The following LAMC1 variants were observed in gnomAD, a reference collection of about 807,000 sequenced individuals.
LAMC1 encodes laminin subunit gamma 1, also known as laminin subunit gamma-1.
In LAMC1, 38 loss-of-function variants were observed where a neutral mutation model predicts 173.6. The observed-to-expected ratio is 0.22, with a 90% confidence interval of 0.17 to 0.29. The LOEUF (loss-of-function observed/expected upper bound fraction) is 0.29. LAMC1 is among the 10% of genes least tolerant of loss of function. LAMC1 has a pLI of 1.00. For synonymous variants in LAMC1, 746 were observed against 749.1 expected (o/e 1.00, Z 0.07); for missense variants, 1,824 against 2,051.8 (o/e 0.89, Z 2.14).
chr1:183,048,099 C>CT (rs749274660), intron 1 of LAMC1, among the ~76,000 whole-genome samples: 1 of 152,102 alleles, frequency 6.6e-6, no homozygotes, highest in African/African-American at 2.4e-5. Flanking sequence ...TTCTTAGCCT[C>CT]TTTTTTTCTA....
chr1:183,057,058 G>A (rs1186543957), intron 1 of LAMC1, among the ~76,000 whole-genome samples: 2 of 152,168 alleles, frequency 1.3e-5, no homozygotes, highest in Middle Eastern at 3.2e-3. Flanking sequence ...CGCTTTCAGG[G>A]CCTACTTGGG....
At chr1:183,111,066 G>T (rs748429399) in intron 4 of LAMC1, among the ~76,000 whole-genome samples, 2 of 151,650 alleles carry the variant, frequency 1.3e-5, no homozygotes, top group African/African-American at 2.4e-5. Context: ...AGGCTAAGAG[G>T]GCCATTCCAA....
chr1:183,032,896 T>G (rs1653882357), intron 1 of LAMC1, among the ~76,000 whole-genome samples: 1 of 152,154 alleles, frequency 6.6e-6, no homozygotes, highest in Non-Finnish European at 1.5e-5. Context: ...CCCATCTTCT[T>G]TAGAGTTCTG....
At chr1:183,132,096 T>G (rs1205156338) in intron 20 of LAMC1, among the ~76,000 whole-genome samples, 2 of 152,298 alleles carry the variant, frequency 1.3e-5, no homozygotes. Flanking sequence ...GTCAGGAGTT[T>G]GAGACCAGCC....
At position 183,127,531 on chromosome 1, in the gene LAMC1, T is replaced by C. The variant is rs559383665; in HGVS notation, c.3123+127T>C. ...TGGTCCCTGTTCTTAAAGACTTATG[T>C]TCCAGTTGGGAGGCAAATAATAAAA... On this transcript the variant is annotated intron_variant, in intron 17 of 27. Coordinates refer to ENST00000258341, the MANE Select transcript of LAMC1 (RefSeq NM_002293.4). 2.2e-4 allele frequency: 171 copies of C among 767,450 alleles called. No individual in the cohort carries two copies. In the African/African-American group the frequency reaches 2.4e-3, roughly 11 times the overall value. The allele number at this position is 767,450 out of a possible 1,614,324, so 47.5% of individuals were successfully genotyped here.
intron 19 of LAMC1, 70 bp downstream of exon 19, chr1:183,130,619 G>T (rs1437395200): frequency 1.7e-5 from 20 of 1,186,244 alleles, no homozygotes; most frequent in East Asian, 2.4e-5. Context: ...TCTGTTACTG[G>T]CAGTGGAGTG....
intron 1 of LAMC1, among the ~76,000 whole-genome samples, chr1:183,049,300 C>A (rs1654347008): frequency 6.6e-6 from 1 of 152,058 alleles, no homozygotes; most frequent in Non-Finnish European, 1.5e-5. Flanking sequence ...ATTGTAATTA[C>A]AGTATTAGAA....
intron 1 of LAMC1, among the ~76,000 whole-genome samples, chr1:183,073,931 T>G (rs964696105): frequency 1.3e-5 from 2 of 152,144 alleles, no homozygotes; most frequent in African/African-American, 4.8e-5. Flanking sequence ...ATAGATTACA[T>G]AGATTAGAAA....
chr1:183,091,284 T>G (rs955079189), intron 1 of LAMC1, among the ~76,000 whole-genome samples: 1 of 152,188 alleles, frequency 6.6e-6, no homozygotes, highest in Non-Finnish European at 1.5e-5. Context: ...GAGAGGCCAC[T>G]AAGTTAATAT....
chr1:183,032,480 G>T (rs1339559419), intron 1 of LAMC1, among the ~76,000 whole-genome samples: 2 of 151,826 alleles, frequency 1.3e-5, no homozygotes, highest in Non-Finnish European at 2.9e-5. Context: ...GAAAGTTGGA[G>T]GAGATAGTAA....
intron 1 of LAMC1, among the ~76,000 whole-genome samples, chr1:183,058,418 G>A (rs1310383649): frequency 6.6e-6 from 1 of 152,186 alleles, no homozygotes; most frequent in Non-Finnish European, 1.5e-5. Flanking sequence ...GTATATTTAA[G>A]TCTGGTTTTG....
intron 1 of LAMC1, among the ~76,000 whole-genome samples, chr1:183,077,776 G>GTA (rs68083893): frequency 0.017 from 1,967 of 116,446 alleles, 65 homozygotes; most frequent in East Asian, 0.034. Flanking sequence ...TGGCCATTGT[G>GTA]TATATATATA....
At chr1:183,062,913 A>G (rs1313239517) in intron 1 of LAMC1, among the ~76,000 whole-genome samples, 1 of 152,196 alleles carries the variant, frequency 6.6e-6, no homozygotes, top group Non-Finnish European at 1.5e-5. Flanking sequence ...GCATCACACC[A>G]CTGCACTCCA....
chr1:183,047,991 A>G (rs554039823), intron 1 of LAMC1, among the ~76,000 whole-genome samples: 4 of 152,142 alleles, frequency 2.6e-5, no homozygotes, highest in Admixed American at 2.0e-4. Flanking sequence ...ATCTCTGCCA[A>G]CGCTGCCTCT....
At chr1:183,054,836 C>T (rs1654541750) in intron 1 of LAMC1, among the ~76,000 whole-genome samples, 1 of 152,118 alleles carries the variant, frequency 6.6e-6, no homozygotes, top group Non-Finnish European at 1.5e-5. Context: ...GCCTTAGGGG[C>T]TTTTCCCACT....
chr1:183,072,176 T>C (rs1374744759), intron 1 of LAMC1, among the ~76,000 whole-genome samples: 2 of 152,204 alleles, frequency 1.3e-5, no homozygotes, highest in Non-Finnish European at 2.9e-5. Context: ...CTTTCTGAAT[T>C]CTTTTAAGTC....
rs186293409 is a variant in LAMC1, at chr1:183,121,143, G to C, written c.1991-580G>C. Among the ~76,000 whole-genome samples, 106 of 152,270 alleles carry C rather than the reference G, an allele frequency of 7.0e-4. 1 individual carries two copies. The highest frequency in any genetic ancestry group is 2.6e-3 in the Admixed American group (40 of 15,296). ...TTTAAAAAAAATTAGTTTGGGCCGG[G>C]CATGGTGGCTCAAGCCTGTAATCCC... is the stretch of plus-strand genomic sequence containing the variant. On this transcript the variant is annotated intron_variant, in intron 11 of 27. Transcript: ENST00000258341.
At chr1:183,077,772 T>TTGTGTGTGTGTGTGTGTGTG (rs796592939) in intron 1 of LAMC1, among the ~76,000 whole-genome samples, 59 of 78,414 alleles carry the variant, frequency 7.5e-4, no homozygotes, top group African/African-American at 2.0e-3. Flanking sequence ...TTTATGGCCA[T>TTGTGTGTGTGTGTGTGTGTG]TGTGTATATA....
chr1:183,132,600 A>G lies in LAMC1; in HGVS notation c.3704+63A>G, dbSNP rs1478143706. ...TGTTCTGGTAAGTAACACTAGTTCA[A>G]TGAAAAATTAAATGCTGGTGCATTC... is the stretch of plus-strand genomic sequence containing the variant. On this transcript the variant is annotated intron_variant, in intron 21 of 27. Coordinates refer to ENST00000258341, the MANE Select transcript of LAMC1 (RefSeq NM_002293.4). The G allele has an allele frequency of 9.4e-5, 123 of 1,308,214 alleles. 1 individual carries two copies. Among genetic ancestry groups the G allele is most frequent in the Non-Finnish European group, 1.3e-4 (115 of 918,410 alleles). The allele number at this position is 1,308,214 out of a possible 1,614,324, so 81.0% of individuals were successfully genotyped here.
Sources: gnomAD v4.1 joint callset for allele counts (sites outside exome capture counted in the v4.1 genomes callset) on GRCh38, gnomAD v4.1.1 for gene constraint, MANE v1.5 for transcripts, NCBI Gene and HGNC (gene_info 2026-07-23, HGNC 2026-07-21) for gene names.